Variants in HTR1F observed in about 807,000 individuals in gnomAD.
HTR1F encodes the protein 5-hydroxytryptamine receptor 1F, also known as 5-hydroxytryptamine (serotonin) receptor 1F, G protein-coupled.
In HTR1F, 17 loss-of-function variants were observed where a neutral mutation model predicts 24.0. The observed-to-expected ratio is 0.71, with a 90% CI of 0.48 to 1.06. HTR1F has a LOEUF of 1.06. Ranked by LOEUF, HTR1F falls within the 50% of genes least tolerant of loss-of-function variation. The probability of loss-of-function intolerance (pLI) is 0.00; values close to 1 mark genes in which losing one functional copy is unlikely to be tolerated. For synonymous variants in HTR1F, 186 were observed against 156.8 expected (o/e 1.19, Z -1.39); for missense variants, 391 against 427.8 (o/e 0.91, Z 0.76).
chr3:87,849,275 A>T (rs985140583), intron 2 of HTR1F, among the ~76,000 whole-genome samples: 1 of 151,782 alleles, frequency 6.6e-6, no homozygotes, highest in Non-Finnish European at 1.5e-5. Flanking sequence ...GATCAATGCA[A>T]CAGAACAGAG....
intron 2 of HTR1F, among the ~76,000 whole-genome samples, chr3:87,856,920 G>A (rs1875716): frequency 0.12 from 18,572 of 151,980 alleles, 1,453 homozygotes; most frequent in African/African-American, 0.22. Flanking sequence ...CACAGTCCTT[G>A]GGCATTATTA....
At chr3:87,850,373 C>A (rs2107203468) in intron 2 of HTR1F, among the ~76,000 whole-genome samples, 1 of 151,976 alleles carries the variant, frequency 6.6e-6, no homozygotes, top group African/African-American at 2.4e-5. Flanking sequence ...AAACCAAACA[C>A]TGCATGTTCT....
At position 87,810,825 on chromosome 3, in the gene HTR1F, T is replaced by C. The variant is rs578117482; in HGVS notation, c.-159-11183T>C. On this transcript the variant is annotated intron_variant, in intron 1 of 2. Coordinates refer to ENST00000319595, the MANE Select transcript of HTR1F (RefSeq NM_001322209.2). ...TCCCCAACTTGTGGCTTTGACACAGTTTATATTTCATGTGAAGAAGAAACC... is the reference window on the plus strand; with the variant it reads ...TCCCCAACTTGTGGCTTTGACACAGCTTATATTTCATGTGAAGAAGAAACC... Among the ~76,000 whole-genome samples, 3 of 152,294 alleles carry C rather than the reference T, an allele frequency of 2.0e-5. No individual in the cohort carries two copies. In the South Asian group the frequency reaches 6.2e-4, roughly 32 times the overall value.
intron 2 of HTR1F, among the ~76,000 whole-genome samples, chr3:87,961,167 A>G (rs556313747): frequency 2.6e-5 from 4 of 152,000 alleles, no homozygotes; most frequent in Non-Finnish European, 5.9e-5. Flanking sequence ...GGATTTCCCA[A>G]TTTTATTTGA....
chr3:87,912,653 CAAAG>C (rs1703805795), intron 2 of HTR1F, among the ~76,000 whole-genome samples: 10 of 41,872 alleles, frequency 2.4e-4, no homozygotes, highest in Admixed American at 2.0e-4. Flanking sequence ...AAAAAAAAAA[CAAAG>C]CAGGAAGCAT....
chr3:87,835,308 C>T (rs1704661239), intron 2 of HTR1F, among the ~76,000 whole-genome samples: 1 of 145,798 alleles, frequency 6.9e-6, no homozygotes, highest in Admixed American at 6.8e-5. Context: ...ACCCCCAGGG[C>T]AGACAGGATC....
At chr3:87,964,357 T>C (rs1271510673) in intron 2 of HTR1F, among the ~76,000 whole-genome samples, 3 of 152,072 alleles carry the variant, frequency 2.0e-5, no homozygotes, top group African/African-American at 7.2e-5. Flanking sequence ...CAACATGGAG[T>C]AATTAGTAAT....
chr3:87,868,564 A>G (rs1705476164), intron 2 of HTR1F, among the ~76,000 whole-genome samples: 1 of 151,808 alleles, frequency 6.6e-6, no homozygotes, highest in Non-Finnish European at 1.5e-5. Context: ...GCCTGTCTAA[A>G]TTATTATAAA....
intron 2 of HTR1F, among the ~76,000 whole-genome samples, chr3:87,928,002 G>A (rs932360211): frequency 6.6e-6 from 1 of 150,752 alleles, no homozygotes; most frequent in East Asian, 1.9e-4. Context: ...ATCACTCTCT[G>A]TGCCTTAAAT....
At chr3:87,960,946 C>A (rs1355995441) in intron 2 of HTR1F, among the ~76,000 whole-genome samples, 18 of 151,822 alleles carry the variant, frequency 1.2e-4, no homozygotes, top group African/African-American at 4.4e-4. Context: ...TTTAGAATTT[C>A]CTAACTGTGT....
intron 2 of HTR1F, among the ~76,000 whole-genome samples, chr3:87,961,786 G>C (rs1418848028): frequency 7.0e-6 from 1 of 142,540 alleles, no homozygotes; most frequent in Non-Finnish European, 1.5e-5. Context: ...TAGTATAAAA[G>C]AGAGGTAATA....
At chr3:87,933,705 G>GGATA (rs1380817312) in intron 2 of HTR1F, among the ~76,000 whole-genome samples, 4 of 152,072 alleles carry the variant, frequency 2.6e-5, no homozygotes, top group Non-Finnish European at 5.9e-5. Context: ...AAATAAAAGA[G>GGATA]GATACAAAGA....
intron 2 of HTR1F, among the ~76,000 whole-genome samples, chr3:87,911,319 C>T (rs984319157): frequency 6.6e-6 from 1 of 152,070 alleles, no homozygotes; most frequent in African/African-American, 2.4e-5. Context: ...AAACAACCAT[C>T]AGAGACTATT....
rs544714227 is a variant in HTR1F, at chr3:87,942,234, T to G, written c.-42-48474T>G. 5.9e-5 allele frequency among the ~76,000 whole-genome samples: 9 copies of G among 152,040 alleles called. No homozygotes were observed. The East Asian group carries it at 1.7e-3, about 29-fold the overall frequency. ...CTTTCAGGCATAATTAGAAAAGCATTTGAAAAGAGTAAAGTTCCCCAGTCA... is the reference window on the plus strand; with the variant it reads ...CTTTCAGGCATAATTAGAAAAGCATGTGAAAAGAGTAAAGTTCCCCAGTCA... On this transcript the variant is annotated intron_variant, in intron 2 of 2. Coordinates refer to ENST00000319595, the MANE Select transcript of HTR1F (RefSeq NM_001322209.2).
At chr3:87,929,165 T>C (rs1219779221) in intron 2 of HTR1F, among the ~76,000 whole-genome samples, 1 of 152,170 alleles carries the variant, frequency 6.6e-6, no homozygotes, top group Non-Finnish European at 1.5e-5. Flanking sequence ...CCCCCTTACA[T>C]GATGTTGGTA....
At chr3:87,967,204 C>T (rs1705183437) in intron 2 of HTR1F, among the ~76,000 whole-genome samples, 1 of 152,174 alleles carries the variant, frequency 6.6e-6, no homozygotes, top group Admixed American at 6.5e-5. Flanking sequence ...AATCCCAGCA[C>T]TTTGGGAGGC....
In HTR1F at chr3:87,846,510, A is replaced by C. The variant is rs896221267; in HGVS notation, c.-43+24386A>C. Among the ~76,000 whole-genome samples, 37 of 152,148 alleles carry C rather than the reference A, an allele frequency of 2.4e-4. 1 individual carries two copies. The highest frequency in any genetic ancestry group is 8.7e-4 in the African/African-American group (36 of 41,400). ...CCAACTTTATACAACTTTATCATTTAATAAATGAGAAAAATAAGGCTCATA... is the reference window on the plus strand; with the variant it reads ...CCAACTTTATACAACTTTATCATTTCATAAATGAGAAAAATAAGGCTCATA... On this transcript the variant is annotated intron_variant, in intron 2 of 2. Coordinates refer to ENST00000319595, the MANE Select transcript of HTR1F (RefSeq NM_001322209.2).
intron 2 of HTR1F, among the ~76,000 whole-genome samples, chr3:87,942,970 T>G (rs554127401): frequency 6.6e-6 from 1 of 152,342 alleles, no homozygotes; most frequent in African/African-American, 2.4e-5. Flanking sequence ...AATGCCTCCC[T>G]TAGTCTCTCC....
chr3:87,836,075 C>T (rs759774542), intron 2 of HTR1F, among the ~76,000 whole-genome samples: 3 of 152,166 alleles, frequency 2.0e-5, no homozygotes, highest in Non-Finnish European at 2.9e-5. Context: ...AAGGAGATAT[C>T]ATCCATTTAT....
Sources: gnomAD v4.1 joint callset for allele counts (sites outside exome capture counted in the v4.1 genomes callset) on GRCh38, gnomAD v4.1.1 for gene constraint, MANE v1.5 for transcripts, NCBI Gene and HGNC (gene_info 2026-07-23, HGNC 2026-07-21) for gene names.